The following FRMD6 variants were observed in gnomAD, a reference collection of about 807,000 sequenced individuals.
FRMD6 encodes FERM domain-containing protein 6.
FRMD6 carries 37 observed loss-of-function variants against 73.2 expected under a neutral mutation model. The observed-to-expected ratio is 0.51, with a 90% CI of 0.39 to 0.66. The LOEUF is 0.66. Among genes scored for constraint, FRMD6 ranks in the 30% least tolerant of loss-of-function variants. FRMD6 has a pLI of 0.00. For missense variants in FRMD6, 714 were observed against 780.5 expected (o/e 0.91, Z 1.02); for synonymous variants, 273 against 282.2 (o/e 0.97, Z 0.33).
chr14:51,657,779 C>T (rs1411250271), intron 1 of FRMD6, among the ~76,000 whole-genome samples: 1 of 152,106 alleles, frequency 6.6e-6, no homozygotes, highest in Non-Finnish European at 1.5e-5. Context: ...TTTAAAGGTT[C>T]CACTCAGCCA....
At chr14:51,551,168 A>C (rs1360560948) in intron 1 of FRMD6, among the ~76,000 whole-genome samples, 1 of 152,170 alleles carries the variant, frequency 6.6e-6, no homozygotes. Context: ...CTAAGTAAAA[A>C]AACTTGTGCT....
intron 1 of FRMD6, 136 bp downstream of exon 1, chr14:51,652,132 G>A (rs1892452251): frequency 6.6e-6 from 1 of 152,244 alleles, no homozygotes; most frequent in Non-Finnish European, 1.5e-5. Context: ...TGGAAGTCGC[G>A]AGTCCCAGCG....
chr14:51,484,104 C>G (rs17123985), upstream of FRMD6, among the ~76,000 whole-genome samples: 3,248 of 152,230 alleles, frequency 0.021, 110 homozygotes, highest in African/African-American at 0.071. Flanking sequence ...AAAAAATAAG[C>G]TTTTCCATTA....
chr14:51,685,190 T>C (rs924770780), intron 1 of FRMD6, among the ~76,000 whole-genome samples: 1 of 152,136 alleles, frequency 6.6e-6, no homozygotes, highest in Non-Finnish European at 1.5e-5. Flanking sequence ...AGTAAGTGAG[T>C]CTTGGCAAGG....
chr14:51,619,406 G>C (rs1389295040), intron 2 of FRMD6, among the ~76,000 whole-genome samples: 1 of 151,446 alleles, frequency 6.6e-6, no homozygotes, highest in African/African-American at 2.4e-5. Context: ...GAAAGGAAAA[G>C]AAGAAGAAAG....
chr14:51,415,467 A>G, the FRMD6 span, among the ~76,000 whole-genome samples: 1,404 of 152,190 alleles, frequency 9.2e-3, 20 homozygotes, highest in African/African-American at 0.032. Context: ...ATTGATTTGC[A>G]TATGTTGAAC....
At chr14:51,648,307 C>T (rs910493187), upstream of FRMD6, among the ~76,000 whole-genome samples, 2 of 152,130 alleles carry the variant, frequency 1.3e-5, no homozygotes, top group Non-Finnish European at 2.9e-5. Context: ...ATACCACCTA[C>T]CAAAGTTTAC....
chr14:51,514,583 C>T (rs1289091862), intron 1 of FRMD6, among the ~76,000 whole-genome samples: 2 of 152,190 alleles, frequency 1.3e-5, no homozygotes, highest in African/African-American at 2.4e-5. Flanking sequence ...TGCCGTGGCT[C>T]GTGCCTATAA....
chr14:51,639,555 A>G (rs1170879679), intron 2 of FRMD6, among the ~76,000 whole-genome samples: 1 of 152,220 alleles, frequency 6.6e-6, no homozygotes, highest in Non-Finnish European at 1.5e-5. Flanking sequence ...TACCTATTTC[A>G]TGATGTGCTG....
intron 11 of FRMD6, among the ~76,000 whole-genome samples, chr14:51,721,390 T>A (rs1897553811): frequency 6.6e-6 from 1 of 152,208 alleles, no homozygotes; most frequent in African/African-American, 2.4e-5. Flanking sequence ...GGCAGGCGGA[T>A]CACGAGGTCA....
At chr14:51,709,799 G>C (rs1201194412) in intron 7 of FRMD6, among the ~76,000 whole-genome samples, 1 of 152,078 alleles carries the variant, frequency 6.6e-6, no homozygotes, top group Non-Finnish European at 1.5e-5. Context: ...ATGATATGTT[G>C]GAAAGAGTAA....
rs1898158174 is a variant in FRMD6, at chr14:51,729,621, AAC to A, written c.*1594_*1595del. 1 of 152,672 alleles carries A rather than the reference AAC, an allele frequency of 6.5e-6. No homozygotes were observed. Among genetic ancestry groups the A allele is most frequent in the African/African-American group, 2.4e-5 (1 of 41,464 alleles). The allele number at this position is 152,672 out of a possible 1,614,324, so 9.5% of individuals were successfully genotyped here. A position where few individuals can be genotyped will look rare whatever the true frequency, so the allele number is the denominator to read the frequency against. On this transcript the variant is annotated 3_prime_UTR_variant, in exon 14 of 14. Coordinates refer to ENST00000344768, the MANE Select transcript of FRMD6 (RefSeq NM_001267046.2). ...AAAACTATATATTATTTTCTAAAGA[AAC>A]AATCATATTTTTATACAAAATTATG...
upstream of FRMD6, among the ~76,000 whole-genome samples, chr14:51,487,662 T>A (rs1353410358): frequency 6.6e-6 from 1 of 152,238 alleles, no homozygotes; most frequent in Admixed American, 6.5e-5. Context: ...AAATATTTTT[T>A]ACAAATAACT....
intron 2 of FRMD6, among the ~76,000 whole-genome samples, chr14:51,588,189 C>T (rs192011559): frequency 1.3e-5 from 2 of 152,082 alleles, no homozygotes; most frequent in Non-Finnish European, 2.9e-5. Flanking sequence ...ATTTCCCCCC[C>T]TCCCAAACCT....
the FRMD6 span, among the ~76,000 whole-genome samples, chr14:51,439,828 T>G: frequency 6.6e-6 from 1 of 152,364 alleles, no homozygotes; most frequent in Admixed American, 6.5e-5. Context: ...TGTGTATTAT[T>G]AAATTATTGC....
At chr14:51,409,144 CTT>C in the FRMD6 span, among the ~76,000 whole-genome samples, 1 of 152,094 alleles carries the variant, frequency 6.6e-6, no homozygotes, top group African/African-American at 2.4e-5. Flanking sequence ...GCATGAACCT[CTT>C]GTAAGCATTC....
At chr14:51,420,856 C>G in the FRMD6 span, among the ~76,000 whole-genome samples, 2 of 152,182 alleles carry the variant, frequency 1.3e-5, no homozygotes, top group Admixed American at 1.3e-4. Context: ...CTCACTGCAG[C>G]CTCTGCCTCC....
chr14:51,421,600 C>G, the FRMD6 span, among the ~76,000 whole-genome samples: 1 of 152,078 alleles, frequency 6.6e-6, no homozygotes. Flanking sequence ...GCAAAAGAAC[C>G]GTAAGAGCCT....
the FRMD6 span, among the ~76,000 whole-genome samples, chr14:51,422,166 G>A: frequency 7.2e-5 from 11 of 152,024 alleles, no homozygotes; most frequent in South Asian, 4.2e-4. Flanking sequence ...TCATAAAGCC[G>A]AAATTGTTCC....
Sources: allele counts gnomAD v4.1 joint callset (sites outside exome capture counted in the v4.1 genomes callset), GRCh38; gene constraint gnomAD v4.1.1; transcripts MANE v1.5; gene names NCBI Gene and HGNC (gene_info 2026-07-23, HGNC 2026-07-21).